The following AKAP19 variants were observed in gnomAD, a reference collection of about 807,000 sequenced individuals.
AKAP19 encodes small A-kinase anchoring protein.
chr2:190,200,136 T>C, the AKAP19 span: 1 of 1,613,226 alleles, frequency 6.2e-7, no homozygotes, highest in Non-Finnish European at 8.5e-7. Context: ...ACATTGAGAG[T>C]GAGGGGCCTT....
the AKAP19 span, among the ~76,000 whole-genome samples, chr2:190,135,953 C>T: frequency 2.6e-5 from 4 of 152,130 alleles, no homozygotes; most frequent in Non-Finnish European, 5.9e-5. Context: ...GAATTTGGAA[C>T]AGTTTTATGG....
the AKAP19 span, among the ~76,000 whole-genome samples, chr2:190,133,263 A>T: frequency 7.6e-6 from 1 of 131,598 alleles, no homozygotes; most frequent in Non-Finnish European, 1.7e-5. Context: ...AAAAAAAAAA[A>T]GTGCAAAAGA....
chr2:190,144,436 T>C, the AKAP19 span, among the ~76,000 whole-genome samples: 1 of 152,146 alleles, frequency 6.6e-6, no homozygotes. Flanking sequence ...GAAAATATTC[T>C]ATTTTATTCA....
At chr2:190,007,025 A>G in the AKAP19 span, among the ~76,000 whole-genome samples, 26 of 152,144 alleles carry the variant, frequency 1.7e-4, no homozygotes, top group Admixed American at 1.7e-3. Context: ...ATCTCAAAAG[A>G]AGAAAAAAAG....
At chr2:189,901,255 C>T in the AKAP19 span, among the ~76,000 whole-genome samples, 1,460 of 151,566 alleles carry the variant, frequency 9.6e-3, 78 homozygotes, top group East Asian at 0.17. Context: ...TTTTTTTAAA[C>T]GATTTTTGCT....
chr2:190,060,496 A>C, the AKAP19 span: 1 of 1,457,372 alleles, frequency 6.9e-7, no homozygotes, highest in Admixed American at 1.9e-5. Context: ...AAACCCCTCC[A>C]TATTAATAGT....
At chr2:190,028,256 G>T in the AKAP19 span, among the ~76,000 whole-genome samples, 4 of 152,184 alleles carry the variant, frequency 2.6e-5, no homozygotes, top group South Asian at 8.3e-4. Flanking sequence ...TTTCTGTATT[G>T]TTTGAGGGGG....
the AKAP19 span, among the ~76,000 whole-genome samples, chr2:190,046,885 G>A: frequency 6.6e-6 from 1 of 152,092 alleles, no homozygotes; most frequent in Non-Finnish European, 1.5e-5. Flanking sequence ...AATATGATTG[G>A]TTTCTTTTCT....
the AKAP19 span, among the ~76,000 whole-genome samples, chr2:189,921,805 T>C: frequency 6.6e-6 from 1 of 152,178 alleles, no homozygotes; most frequent in Admixed American, 6.5e-5. Flanking sequence ...ACATATCACC[T>C]TCTCACACAT....
chr2:190,114,501 G>A, the AKAP19 span, among the ~76,000 whole-genome samples: 15 of 152,316 alleles, frequency 9.8e-5, no homozygotes, highest in African/African-American at 3.6e-4. Context: ...TGTTGCCCAG[G>A]CGGGAGTCCA....
the AKAP19 span, among the ~76,000 whole-genome samples, chr2:190,181,824 A>G: frequency 3.3e-5 from 5 of 152,214 alleles, no homozygotes; most frequent in Admixed American, 6.5e-5. Flanking sequence ...TTATTATGAC[A>G]AAGTATAAAT....
At chr2:190,107,136 G>A in the AKAP19 span, among the ~76,000 whole-genome samples, 1 of 152,182 alleles carries the variant, frequency 6.6e-6, no homozygotes, top group African/African-American at 2.4e-5. Context: ...AATATTAAAT[G>A]TTTATTACTC....
At chr2:189,965,299 A>G in the AKAP19 span, among the ~76,000 whole-genome samples, 351 of 152,340 alleles carry the variant, frequency 2.3e-3, 2 homozygotes, top group Non-Finnish European at 4.2e-3. Context: ...AAGATCATTG[A>G]TTACATATCT....
At chr2:189,966,575 T>G in the AKAP19 span, among the ~76,000 whole-genome samples, 6 of 152,310 alleles carry the variant, frequency 3.9e-5, no homozygotes, top group Admixed American at 1.3e-4. Flanking sequence ...TATAAAAGGA[T>G]AACATGTCTT....
At chr2:189,882,606 A>G in the AKAP19 span, among the ~76,000 whole-genome samples, 6 of 152,104 alleles carry the variant, frequency 3.9e-5, no homozygotes, top group African/African-American at 1.4e-4. Flanking sequence ...GTGAGTCTCA[A>G]TTTTTATATA....
chr2:189,989,925 G>A, the AKAP19 span, among the ~76,000 whole-genome samples: 3 of 152,128 alleles, frequency 2.0e-5, no homozygotes, highest in South Asian at 2.1e-4. Flanking sequence ...TGTCAAAATG[G>A]CATTCTCTCT....
chr2:189,940,644 T>C, the AKAP19 span, among the ~76,000 whole-genome samples: 2 of 151,858 alleles, frequency 1.3e-5, no homozygotes, highest in Admixed American at 6.6e-5. Context: ...TATTCAGGTA[T>C]TGAAAGGCCA....
chr2:189,934,103 T>C, the AKAP19 span, among the ~76,000 whole-genome samples: 2 of 152,130 alleles, frequency 1.3e-5, no homozygotes, highest in African/African-American at 2.4e-5. Flanking sequence ...TTTGTAGAAA[T>C]TTCAAATATT....
At chr2:190,112,383 T>C in the AKAP19 span, among the ~76,000 whole-genome samples, 1 of 152,216 alleles carries the variant, frequency 6.6e-6, no homozygotes. Context: ...TTCTTATTTC[T>C]TTGTATTTAC....
Sources: gnomAD v4.1 joint callset for allele counts (sites outside exome capture counted in the v4.1 genomes callset) on GRCh38, gnomAD v4.1.1 for gene constraint, MANE v1.5 for transcripts, NCBI Gene and HGNC (gene_info 2026-07-23, HGNC 2026-07-21) for gene names.